Variants in NUTM2E observed in about 807,000 individuals in gnomAD.
NUTM2E encodes the protein NUT family member 2E.
Under a neutral mutation model 26.1 loss-of-function variants are expected in NUTM2E, and 3 were observed. The observed-to-expected ratio is 0.12, with a 90% CI of 0.05 to 0.30. NUTM2E has a LOEUF of 0.30. Ranked by LOEUF, NUTM2E falls within the 10% of genes least tolerant of loss-of-function variation. The pLI, the probability that NUTM2E is intolerant of heterozygous loss-of-function variation, is 1.00. For synonymous variants in NUTM2E, 13 were observed against 157.5 expected (o/e 0.08, Z 6.87); for missense variants, 62 against 381.3 (o/e 0.16, Z 6.97).
At chr10:79,831,090 A>G (rs1439013406) in intron 1 of NUTM2E, among the ~76,000 whole-genome samples, 1 of 151,788 alleles carries the variant, frequency 6.6e-6, no homozygotes, top group Non-Finnish European at 1.5e-5. Context: ...CATGGAACCT[A>G]TGAGCCTCCA....
At chr10:79,834,755 T>C (rs1841950418) in intron 1 of NUTM2E, among the ~76,000 whole-genome samples, 1 of 149,962 alleles carries the variant, frequency 6.7e-6, no homozygotes, top group South Asian at 2.1e-4. Flanking sequence ...TAAAAATATT[T>C]CTTAAGAAAA....
chr10:79,837,549 G>A (rs776734895), intron 1 of NUTM2E, among the ~76,000 whole-genome samples: 4 of 152,136 alleles, frequency 2.6e-5, no homozygotes, highest in East Asian at 1.9e-4. Context: ...CACATGTCAC[G>A]GCTAATAATA....
In NUTM2E at chr10:79,849,013, G is replaced by A. The variant is rs1212196584; in HGVS notation, c.1734+118G>A. The A allele has an allele frequency of 1.8e-5, 16 of 871,884 alleles. 4 individuals are homozygous for A. Among genetic ancestry groups the A allele is most frequent in the Non-Finnish European group, 2.7e-5 (16 of 588,544 alleles). 54.0% of individuals were successfully genotyped at this position (871,884 alleles called of 1,614,324 possible). A position where few individuals can be genotyped will look rare whatever the true frequency, so the allele number is the denominator to read the frequency against. On this transcript the variant is annotated intron_variant, in intron 8 of 9. Transcript: ENST00000429984. ...AGTGTGTGTATTTCCATGGATTTGA[G>A]TGTCTGTGTATGTGATTGTGTGTGT...
At chr10:79,830,939 G>A (rs536627992) in intron 1 of NUTM2E, among the ~76,000 whole-genome samples, 5 of 151,682 alleles carry the variant, frequency 3.3e-5, no homozygotes, top group Non-Finnish European at 7.4e-5. Context: ...GTTTTTCACA[G>A]TCAGCTTGCC....
At chr10:79,838,052 G>A (rs1027568706) in intron 1 of NUTM2E, among the ~76,000 whole-genome samples, 1 of 151,408 alleles carries the variant, frequency 6.6e-6, no homozygotes, top group South Asian at 2.1e-4. Flanking sequence ...CATAAGGCTG[G>A]CCATGGAAAC....
intron 2 of NUTM2E, among the ~76,000 whole-genome samples, 43 bp downstream of exon 2, chr10:79,838,629 C>T (rs1370517777): frequency 1.1e-4 from 17 of 150,686 alleles, no homozygotes; most frequent in Non-Finnish European, 2.2e-4. Context: ...CCCGCAGGGC[C>T]CCCACTAGGA....
intron 1 of NUTM2E, among the ~76,000 whole-genome samples, chr10:79,830,206 A>G (rs1033794045): frequency 1.3e-5 from 2 of 151,556 alleles, no homozygotes; most frequent in African/African-American, 4.8e-5. Context: ...GCTGTGATAT[A>G]GTAAATTAAT....
intron 1 of NUTM2E, among the ~76,000 whole-genome samples, chr10:79,836,956 A>G (rs1036154415): frequency 1.3e-5 from 2 of 151,976 alleles, no homozygotes; most frequent in African/African-American, 4.8e-5. Flanking sequence ...CTCACAATGA[A>G]TAACACTAGA....
At chr10:79,828,423 G>A (rs1425278622) in intron 1 of NUTM2E, among the ~76,000 whole-genome samples, 1 of 151,806 alleles carries the variant, frequency 6.6e-6, no homozygotes, top group African/African-American at 2.4e-5. Flanking sequence ...TTTCCCGGAA[G>A]GTTAACAGCC....
chr10:79,834,752 ATTTC>A (rs1412115580), intron 1 of NUTM2E, among the ~76,000 whole-genome samples: 1 of 150,036 alleles, frequency 6.7e-6, no homozygotes, highest in Non-Finnish European at 1.5e-5. Context: ...AATTAAAAAT[ATTTC>A]TTAAGAAAAA....
chr10:79,833,311 A>G (rs1180344996), intron 1 of NUTM2E, among the ~76,000 whole-genome samples: 3 of 151,620 alleles, frequency 2.0e-5, no homozygotes, highest in Non-Finnish European at 4.4e-5. Flanking sequence ...GCATCAGAAC[A>G]TACTCACTCC....
At position 79,841,036 on chromosome 10, in the gene NUTM2E, C is replaced by T. The variant is rs1427722967; in HGVS notation, c.-705C>T. Among the ~76,000 whole-genome samples the T allele has an allele frequency of 9.2e-6, 1 of 108,738 alleles. No homozygotes were observed. Among genetic ancestry groups the T allele is most frequent in the African/African-American group, 3.2e-5 (1 of 30,772 alleles). 71.3% of individuals were successfully genotyped at this position (108,738 alleles called of 152,430 possible). ...TTTTAAAGACAGGCTACAATAATTC[C>T]CATGCAGAGAACCACATGCCATGAC... On this transcript the variant is annotated 5_prime_UTR_variant, in exon 4 of 10. Coordinates refer to ENST00000429984, the MANE Select transcript of NUTM2E (RefSeq NM_001355263.2).
At chr10:79,833,933 T>C (rs1175795560) in intron 1 of NUTM2E, among the ~76,000 whole-genome samples, 2 of 151,884 alleles carry the variant, frequency 1.3e-5, no homozygotes, top group Admixed American at 1.3e-4. Flanking sequence ...GCAGCACTAT[T>C]CACAATAGCA....
intron 1 of NUTM2E, among the ~76,000 whole-genome samples, chr10:79,832,390 A>G (rs1405733800): frequency 6.6e-6 from 1 of 151,738 alleles, no homozygotes; most frequent in African/African-American, 2.4e-5. Context: ...GGATAATAAG[A>G]AAATATTCTA....
At position 79,840,726 on chromosome 10, in the gene NUTM2E, G is replaced by C. The variant is rs550411535; in HGVS notation, c.-1015G>C. Among the ~76,000 whole-genome samples the C allele has an allele frequency of 4.6e-5, 7 of 150,698 alleles. No homozygotes were observed. In the South Asian group the frequency reaches 1.5e-3, roughly 32 times the overall value. ...GGCAAATGCTTCGTAAGTGCCGACA[G>C]GGTGTGTTTCAGTGAATGTTTGCAG... is the stretch of plus-strand genomic sequence containing the variant. On this transcript the variant is annotated 5_prime_UTR_variant, in exon 4 of 10. Coordinates refer to ENST00000429984, the MANE Select transcript of NUTM2E (RefSeq NM_001355263.2).
intron 1 of NUTM2E, among the ~76,000 whole-genome samples, chr10:79,833,347 A>G (rs1046920265): frequency 2.6e-5 from 4 of 151,222 alleles, no homozygotes; most frequent in African/African-American, 9.7e-5. Flanking sequence ...GCTGGTTAGA[A>G]ATGTCTTGAC....
intron 1 of NUTM2E, among the ~76,000 whole-genome samples, chr10:79,828,897 C>A (rs1179688074): frequency 6.6e-6 from 1 of 151,784 alleles, no homozygotes; most frequent in Non-Finnish European, 1.5e-5. Flanking sequence ...TTAAAATTAG[C>A]TGTCATTATT....
intron 1 of NUTM2E, among the ~76,000 whole-genome samples, chr10:79,829,026 T>C (rs1841909692): frequency 6.6e-6 from 1 of 151,778 alleles, no homozygotes; most frequent in Non-Finnish European, 1.5e-5. Flanking sequence ...AGTATACAAG[T>C]TTAATATTTT....
chr10:79,834,100 C>CT (rs1841945339), intron 1 of NUTM2E, among the ~76,000 whole-genome samples: 1 of 151,502 alleles, frequency 6.6e-6, no homozygotes, highest in Non-Finnish European at 1.5e-5. Context: ...TATCAGCAAA[C>CT]TAACACAGGA....
Sources: gnomAD v4.1 joint callset for allele counts (sites outside exome capture counted in the v4.1 genomes callset) on GRCh38, gnomAD v4.1.1 for gene constraint, MANE v1.5 for transcripts, NCBI Gene and HGNC (gene_info 2026-07-23, HGNC 2026-07-21) for gene names.